Variants in ZFAT observed in about 807,000 individuals in gnomAD.
ZFAT encodes the protein zinc finger protein ZFAT.
ZFAT carries 64 observed loss-of-function variants against 117.7 expected under a neutral mutation model. The ratio of observed to expected loss-of-function variants is 0.54; its 90% CI spans 0.44 to 0.67. The LOEUF is 0.67. Among genes scored for constraint, ZFAT ranks in the 30% least tolerant of loss-of-function variants. The pLI is 0.00. For missense variants in ZFAT, 1,433 were observed against 1,584.5 expected (o/e 0.90, Z 1.62); for synonymous variants, 679 against 615.0 (o/e 1.10, Z -1.54).
chr8:134,635,859 G>A (rs947022602), intron 3 of ZFAT, among the ~76,000 whole-genome samples: 9 of 152,042 alleles, frequency 5.9e-5, no homozygotes, highest in African/African-American at 1.7e-4. Flanking sequence ...TCTGAAACAC[G>A]ATGCAGATTC....
At chr8:134,539,911 C>T (rs147552629) in intron 11 of ZFAT, among the ~76,000 whole-genome samples, 8 of 152,226 alleles carry the variant, frequency 5.3e-5, no homozygotes, top group Non-Finnish European at 7.4e-5. Flanking sequence ...TTACCCTGGC[C>T]AAGTCATTAC....
At chr8:134,544,969 G>A (rs1053552705) in intron 11 of ZFAT, among the ~76,000 whole-genome samples, 1 of 152,164 alleles carries the variant, frequency 6.6e-6, no homozygotes. Flanking sequence ...TGGAGAAACT[G>A]GTGCACAAGC....
At chr8:134,725,136 T>A in the ZFAT span, among the ~76,000 whole-genome samples, 22 of 152,256 alleles carry the variant, frequency 1.4e-4, no homozygotes, top group African/African-American at 5.1e-4. Flanking sequence ...AAGGCTACCA[T>A]CCTTCCTGCC....
At chr8:134,751,052 G>T in the ZFAT span, among the ~76,000 whole-genome samples, 1 of 152,170 alleles carries the variant, frequency 6.6e-6, no homozygotes. Flanking sequence ...TTCAATAAAT[G>T]TATTTTTATT....
the ZFAT span, among the ~76,000 whole-genome samples, chr8:134,828,107 T>C: frequency 6.6e-6 from 1 of 152,240 alleles, no homozygotes; most frequent in African/African-American, 2.4e-5. Context: ...TTAATCTATG[T>C]TCTGAAATTA....
intron 15 of ZFAT, among the ~76,000 whole-genome samples, chr8:134,489,384 G>T (rs1370067472): frequency 6.6e-6 from 1 of 151,998 alleles, no homozygotes; most frequent in African/African-American, 2.4e-5. Flanking sequence ...GTGCTCCCCA[G>T]GCCTGCTCTC....
chr8:134,792,076 G>A, the ZFAT span: 1 of 152,180 alleles, frequency 6.6e-6, no homozygotes, highest in Admixed American at 6.5e-5. Context: ...GAATAGAAAG[G>A]AGAAATTAGA....
the ZFAT span, chr8:134,800,659 ACT>A: frequency 1.5e-5 from 6 of 408,594 alleles, no homozygotes; most frequent in East Asian, 7.5e-5. Flanking sequence ...TTTACGTAAG[ACT>A]CTGTTGAAAA....
chr8:134,780,100 T>C, the ZFAT span, among the ~76,000 whole-genome samples: 1 of 152,224 alleles, frequency 6.6e-6, no homozygotes, highest in African/African-American at 2.4e-5. Context: ...GTTTACAAAA[T>C]TATGTATGTT....
chr8:134,751,594 C>T, the ZFAT span, among the ~76,000 whole-genome samples: 16 of 152,156 alleles, frequency 1.1e-4, no homozygotes, highest in African/African-American at 2.4e-4. Context: ...ATTGGAACTA[C>T]TTAAATCTTT....
At position 134,490,465 on chromosome 8, in the gene ZFAT, T is replaced by C. The variant is rs1199920038; in HGVS notation, c.3493-11744A>G. On this transcript the variant is annotated intron_variant, in intron 15 of 15. Transcript: ENST00000377838. Reference sequence around the variant, plus strand: ...CAGTTCTAGAAAAAAATGGCTGGGGTACTTGGCGATGTCTGGTCTACAGAA... The same window carrying C: ...CAGTTCTAGAAAAAAATGGCTGGGGCACTTGGCGATGTCTGGTCTACAGAA... 2.6e-5 allele frequency among the ~76,000 whole-genome samples: 4 copies of C among 152,202 alleles called. No individual in the cohort carries two copies. The East Asian group carries it at 7.7e-4, about 29-fold the overall frequency.
chr8:134,493,462 G>A (rs998479444), intron 15 of ZFAT, among the ~76,000 whole-genome samples: 1 of 152,252 alleles, frequency 6.6e-6, no homozygotes, highest in Non-Finnish European at 1.5e-5. Context: ...CTGGGCAACA[G>A]AAAGAGGATG....
At chr8:134,590,835 C>T (rs557831353) in intron 7 of ZFAT, among the ~76,000 whole-genome samples, 7 of 151,860 alleles carry the variant, frequency 4.6e-5, no homozygotes, top group Non-Finnish European at 1.0e-4. Context: ...CACGACCCCC[C>T]TCACCATCAT....
At chr8:134,767,136 CA>C in the ZFAT span, 5 of 152,146 alleles carry the variant, frequency 3.3e-5, no homozygotes, top group Non-Finnish European at 7.3e-5. Flanking sequence ...AAACTTACGG[CA>C]CAGTATATGA....
chr8:134,626,534 G>A (rs1586843294), intron 3 of ZFAT, among the ~76,000 whole-genome samples: 3 of 152,376 alleles, frequency 2.0e-5, no homozygotes, highest in South Asian at 4.1e-4. Flanking sequence ...CAGAAGAAGA[G>A]GCAGCGTCAC....
chr8:134,688,698 G>A (rs151201205), intron 1 of ZFAT, among the ~76,000 whole-genome samples: 82 of 152,230 alleles, frequency 5.4e-4, no homozygotes, highest in African/African-American at 1.9e-3. Context: ...CTCGTTCAGG[G>A]TCCCACACAT....
rs1344480450 is a variant in ZFAT, at chr8:134,608,876, G to A, written c.638C>T (p.Ala213Val). The change falls in exon 5 of 16, where the codon GCT becomes GTT. Residue 213 changes from alanine to valine, a missense_variant. By Grantham distance (64) the Ala-to-Val change is moderately conservative. Around this residue, in one of 5 missense-constraint regions of ZFAT, gnomAD observed 436 missense variants for 482.0 expected, o/e 0.90. Transcript: ENST00000377838. Reference sequence around the variant, plus strand: ...AGCCTCCACTGGCACAATCTTGGTAGCACCTGAGATTGATGCAAAAGGCAT... The same window carrying A: ...AGCCTCCACTGGCACAATCTTGGTAACACCTGAGATTGATGCAAAAGGCAT... ...VLTAHEAIPGATKIVPVEAGP... is the reference protein window; with the variant it reads ...VLTAHEAIPGVTKIVPVEAGP... 6.2e-7 allele frequency: 1 copy of A among 1,602,366 alleles called. No homozygotes were observed. Among genetic ancestry groups the A allele is most frequent in the Non-Finnish European group, 8.5e-7 (1 of 1,176,080 alleles).
intron 2 of ZFAT, among the ~76,000 whole-genome samples, chr8:134,646,704 T>TA (rs1263057487): frequency 2.7e-5 from 4 of 148,784 alleles, no homozygotes; most frequent in Admixed American, 6.7e-5. Context: ...AAATTTTGAA[T>TA]AAAAAAGGAC....
At chr8:134,581,835 C>T (rs1323620211) in intron 10 of ZFAT, among the ~76,000 whole-genome samples, 1 of 152,210 alleles carries the variant, frequency 6.6e-6, no homozygotes, top group African/African-American at 2.4e-5. Context: ...ACCCACTCAC[C>T]TCCCTTGGCC....
Sources: allele counts gnomAD v4.1 joint callset (sites outside exome capture counted in the v4.1 genomes callset), GRCh38; gene constraint gnomAD v4.1.1; regional missense constraint gnomAD v4.1.1; transcripts MANE v1.5; gene names NCBI Gene and HGNC (gene_info 2026-07-23, HGNC 2026-07-21).